CADPS2: variants seen among roughly 807,000 people sequenced by gnomAD.
The protein encoded by CADPS2 is calcium dependent secretion activator 2.
A neutral mutation model predicts 172.5 loss-of-function variants in CADPS2; 93 were observed. The ratio of observed to expected loss-of-function variants is 0.54; its 90% confidence interval spans 0.46 to 0.64. CADPS2 has a LOEUF of 0.64. Ranked by LOEUF, CADPS2 falls within the 30% of genes least tolerant of loss-of-function variation. CADPS2 has a pLI of 0.00. For missense variants in CADPS2, 1,420 were observed against 1,565.9 expected (o/e 0.91, Z 1.57); for synonymous variants, 546 against 555.2 (o/e 0.98, Z 0.23).
rs567871024 is a variant in CADPS2, at chr7:122,804,749, C to G, written c.340-67681G>C. ...GCTGGATTGCCATCCTTTTCAAATT[C>G]TTATATGCTCTGTAAGATTTCCTAT... is the stretch of plus-strand genomic sequence containing the variant. On this transcript the variant is annotated intron_variant, in intron 1 of 29. Transcript: ENST00000449022. 3.9e-5 allele frequency among the ~76,000 whole-genome samples: 6 copies of G among 152,284 alleles called. No homozygotes were observed. The East Asian group carries it at 1.2e-3, about 29-fold the overall frequency.
chr7:122,574,241 T>C (rs2067661566), intron 7 of CADPS2, among the ~76,000 whole-genome samples: 1 of 151,010 alleles, frequency 6.6e-6, no homozygotes, highest in African/African-American at 2.4e-5. Flanking sequence ...AGTTCAGGAG[T>C]TTGAGACCAC....
chr7:122,395,831 C>T (rs573699247), intron 20 of CADPS2, among the ~76,000 whole-genome samples: 2 of 148,910 alleles, frequency 1.3e-5, no homozygotes, highest in East Asian at 2.0e-4. Flanking sequence ...TTTTTAGAGA[C>T]GGAGTCTTGC....
intron 8 of CADPS2, among the ~76,000 whole-genome samples, chr7:122,534,695 T>C (rs143184505): frequency 0.017 from 2,513 of 152,198 alleles, 30 homozygotes; most frequent in Admixed American, 0.028. Flanking sequence ...AACAGTAATG[T>C]ACATCAATGG....
intron 1 of CADPS2, among the ~76,000 whole-genome samples, chr7:122,821,005 C>T (rs1185463903): frequency 6.6e-6 from 1 of 151,928 alleles, no homozygotes; most frequent in Non-Finnish European, 1.5e-5. Context: ...CTTCCTCATA[C>T]CTGACGCATA....
Position 122,554,577 on chromosome 7 carries a change from T to C in CADPS2, c.1448A>G (p.Asp483Gly). Residue 483 changes from aspartate to glycine, a missense_variant, in exon 8 of 30, where the codon GAT (aspartate) becomes GGT (glycine). Asp to Gly is a moderately conservative substitution (Grantham distance 94). Coordinates refer to ENST00000449022, the MANE Select transcript of CADPS2 (RefSeq NM_017954.11). ...ACTATGCTTCATATGTGCTGGTTTA[T>C]CCATTCGCACTGCCAGTTTGATTTT... ...DLKIKLAVRM[D>G]KPAHMKHSGY... The C allele has an allele frequency of 1.9e-6, 3 of 1,610,748 alleles. No individual in the cohort carries two copies. Among genetic ancestry groups the C allele is most frequent in the Non-Finnish European group, 2.5e-6 (3 of 1,178,394 alleles).
chr7:122,547,434 A>G (rs952848621), intron 8 of CADPS2, among the ~76,000 whole-genome samples: 1 of 152,192 alleles, frequency 6.6e-6, no homozygotes, highest in Non-Finnish European at 1.5e-5. Flanking sequence ...TACCAATTAG[A>G]TAATTTGAAG....
intron 8 of CADPS2, among the ~76,000 whole-genome samples, chr7:122,529,155 C>T (rs1252505417): frequency 1.3e-5 from 2 of 151,984 alleles, no homozygotes; most frequent in East Asian, 1.9e-4. Context: ...TAAACCACTC[C>T]GAAACAAAAT....
intron 1 of CADPS2, among the ~76,000 whole-genome samples, chr7:122,738,250 A>C (rs1183885394): frequency 6.6e-6 from 1 of 152,168 alleles, no homozygotes; most frequent in Non-Finnish European, 1.5e-5. Context: ...GGAGCTTCTT[A>C]GTAAAAATAT....
At chr7:122,530,820 T>G (rs4596575) in intron 8 of CADPS2, among the ~76,000 whole-genome samples, 1 of 152,174 alleles carries the variant, frequency 6.6e-6, no homozygotes, top group Non-Finnish European at 1.5e-5. Flanking sequence ...AAGTAAGCTT[T>G]TTACCTCTTT....
intron 3 of CADPS2, among the ~76,000 whole-genome samples, chr7:122,661,012 T>C (rs1224067855): frequency 6.6e-6 from 1 of 152,170 alleles, no homozygotes; most frequent in Non-Finnish European, 1.5e-5. Context: ...GAGAAAGAGA[T>C]ACCATGTTAA....
At chr7:122,548,964 AC>A (rs1159642537) in intron 8 of CADPS2, among the ~76,000 whole-genome samples, 3 of 152,218 alleles carry the variant, frequency 2.0e-5, no homozygotes, top group Non-Finnish European at 4.4e-5. Context: ...TTAAAGTCTA[AC>A]AATTAAGCAA....
At chr7:122,346,057 G>C (rs750333268) in intron 27 of CADPS2, among the ~76,000 whole-genome samples, 1 of 151,672 alleles carries the variant, frequency 6.6e-6, no homozygotes, top group Non-Finnish European at 1.5e-5. Flanking sequence ...ATCATCTCTG[G>C]CTGGCTTATC....
intron 28 of CADPS2, among the ~76,000 whole-genome samples, chr7:122,332,365 A>G (rs6967614): frequency 0.15 from 22,858 of 151,518 alleles, 1,786 homozygotes; most frequent in African/African-American, 0.16. Flanking sequence ...TCCATAGTAG[A>G]ACTCTATATA....
intron 3 of CADPS2, among the ~76,000 whole-genome samples, chr7:122,641,342 T>C (rs553302347): frequency 6.6e-6 from 1 of 152,184 alleles, no homozygotes; most frequent in Non-Finnish European, 1.5e-5. Context: ...GCTTTTATTT[T>C]CCTCCTGTTC....
At chr7:122,328,586 T>C (rs1423138238) in intron 28 of CADPS2, 1 of 152,240 alleles carries the variant, frequency 6.6e-6, no homozygotes, top group Admixed American at 6.5e-5. Flanking sequence ...ATTTTACAAA[T>C]TTTTTCTACA....
chr7:122,702,264 T>C (rs2086254535), intron 2 of CADPS2: 1 of 1,613,836 alleles, frequency 6.2e-7, no homozygotes, highest in African/African-American at 1.3e-5. Context: ...GAGTGCAAAA[T>C]TTCCATGCCT....
chr7:122,792,787 C>T (rs977918417), intron 1 of CADPS2, among the ~76,000 whole-genome samples: 1 of 152,130 alleles, frequency 6.6e-6, no homozygotes, highest in African/African-American at 2.4e-5. Flanking sequence ...ACTGCTCACC[C>T]TAGGCCAAGA....
At chr7:122,455,536 C>T (rs965738621) in intron 14 of CADPS2, among the ~76,000 whole-genome samples, 9 of 151,670 alleles carry the variant, frequency 5.9e-5, no homozygotes, top group African/African-American at 1.9e-4. Flanking sequence ...TGCTAGAACA[C>T]CAGATGGCAT....
intron 1 of CADPS2, among the ~76,000 whole-genome samples, chr7:122,869,661 T>G (rs930923018): frequency 6.6e-6 from 1 of 152,044 alleles, no homozygotes; most frequent in Admixed American, 6.6e-5. Flanking sequence ...AAAGTAGTTA[T>G]GTAATAAAAC....
Sources: gnomAD v4.1 joint callset for allele counts (sites outside exome capture counted in the v4.1 genomes callset) on GRCh38, gnomAD v4.1.1 for gene constraint, MANE v1.5 for transcripts, NCBI Gene and HGNC (gene_info 2026-07-23, HGNC 2026-07-21) for gene names.